The following MTARC1 variants were observed in gnomAD, a reference collection of about 807,000 sequenced individuals.
The protein encoded by MTARC1 is mitochondrial amidoxime reducing component 1.
Under a neutral mutation model 33.6 loss-of-function variants are expected in MTARC1, and 24 were observed. The ratio of observed to expected loss-of-function variants is 0.72; its 90% CI spans 0.52 to 1.01. The LOEUF (loss-of-function observed/expected upper bound fraction) is 1.01, where lower values mean the gene tolerates loss of function less well. MTARC1 is among the 50% of genes least tolerant of loss of function. MTARC1 has a pLI of 0.00. For synonymous variants in MTARC1, 187 were observed against 189.5 expected (o/e 0.99, Z 0.11); for missense variants, 417 against 445.7 (o/e 0.94, Z 0.58).
At chr1:220,787,284 G>C (rs1420044196) in intron 1 of MTARC1, 65 bp downstream of exon 1, 1 of 1,472,282 alleles carries the variant, frequency 6.8e-7, no homozygotes, top group Non-Finnish European at 9.0e-7. Flanking sequence ...GAGAAGGGAG[G>C]AGCGCAGGGG....
At chr1:220,805,343 A>G in intron 6 of MTARC1, 69 bp downstream of exon 6, 2 of 1,527,638 alleles carry the variant, frequency 1.3e-6, no homozygotes, top group Non-Finnish European at 9.1e-7. Context: ...TTTGTTGCTT[A>G]ATGTTTATAA....
intron 4 of MTARC1, chr1:220,798,667 C>T: frequency 1.2e-6 from 1 of 861,326 alleles, no homozygotes; most frequent in Non-Finnish European, 1.4e-6. Flanking sequence ...AGGTTGGTGG[C>T]CTAGAGGCAT....
Position 220,798,021 on chromosome 1 carries a change from C to T in MTARC1, c.753+7C>T. The T allele has an allele frequency of 6.2e-7, 1 of 1,614,220 alleles. No individual in the cohort carries two copies. Among genetic ancestry groups the T allele is most frequent in the Non-Finnish European group, 8.5e-7 (1 of 1,180,032 alleles). On this transcript the variant is annotated splice_region_variant and intron_variant, in intron 4 of 6. Coordinates refer to ENST00000366910, the MANE Select transcript of MTARC1 (RefSeq NM_022746.4). ...ATGCGATGTCTATGCAGAGGTAACA[C>T]TATGCCCCTTTGGATCTTTCCTTGG... is the stretch of plus-strand genomic sequence containing the variant.
chr1:220,813,341 C>T lies in MTARC1; in HGVS notation c.937C>T (p.Leu313Phe). ...SERKLYGKSP[L>F]FGQYFVLENP... is the part of the protein sequence containing the mutation. ...ACGAAAGTTATATGGAAAATCACCA[C>T]TCTTTGGGCAGTATTTTGTGCTGGA... Residue 313 changes from leucine to phenylalanine, a missense_variant, in exon 7 of 7, where the codon CTC becomes TTC. By Grantham distance (22) the Leu-to-Phe change is conservative. Transcript: ENST00000366910. 6.2e-7 allele frequency: 1 copy of T among 1,614,156 alleles called. No individual in the cohort carries two copies. The highest frequency in any genetic ancestry group is 2.2e-5 in the East Asian group (1 of 44,866).
Position 220,814,439 on chromosome 1 carries a change from T to C in MTARC1, c.*1021T>C, listed in dbSNP as rs1673233295. The C allele has an allele frequency of 6.6e-6, 1 of 152,216 alleles. No homozygotes were observed. The highest frequency in any genetic ancestry group is 2.4e-5 in the African/African-American group (1 of 41,462). The allele number at this position is 152,216 out of a possible 1,614,324, so 9.4% of individuals were successfully genotyped here. On this transcript the variant is annotated 3_prime_UTR_variant, in exon 7 of 7. Transcript: ENST00000366910. Reference sequence around the variant, plus strand: ...TGGCACAAAGTTAGACTGTGAAAGCTGACTGAGGCTGGGCACAGGGGCTCA... The same window carrying C: ...TGGCACAAAGTTAGACTGTGAAAGCCGACTGAGGCTGGGCACAGGGGCTCA...
chr1:220,790,816 A>G (rs2102584901), intron 1 of MTARC1: 1 of 152,322 alleles, frequency 6.6e-6, no homozygotes, highest in Admixed American at 6.5e-5. Context: ...TGTTCTGGAA[A>G]TGGCTCTTTC....
chr1:220,801,687 T>G (rs913548906), intron 4 of MTARC1, among the ~76,000 whole-genome samples: 1 of 152,060 alleles, frequency 6.6e-6, no homozygotes, highest in Admixed American at 6.5e-5. Context: ...GAAGAATTTT[T>G]GGCCAGGGAG....
At chr1:220,804,628 T>C (rs1337339748) in intron 4 of MTARC1, among the ~76,000 whole-genome samples, 1 of 152,098 alleles carries the variant, frequency 6.6e-6, no homozygotes, top group Non-Finnish European at 1.5e-5. Context: ...AGGCTCTTGA[T>C]CCATATAACT....
In MTARC1 at chr1:220,797,928, G is replaced by T. The variant is rs759381616; in HGVS notation, c.667G>T (p.Asp223Tyr). The T allele has an allele frequency of 1.5e-5, 25 of 1,614,096 alleles. No homozygotes were observed. In the South Asian group the frequency reaches 2.4e-4, roughly 16 times the overall value. ...GATCCTTTCTGAGGCGTCGCTGGCG[G>T]ATCTCAACTCCAGGCTAGAGAAGAA... ...FLILSEASLADLNSRLEKKVK... is the reference protein window; with the variant it reads ...FLILSEASLAYLNSRLEKKVK... Residue 223 changes from aspartate (D) to tyrosine (Y), a missense_variant, in exon 4 of 7, where the codon GAT becomes TAT. By Grantham distance (160) the Asp-to-Tyr change is radical. Transcript: ENST00000366910.
intron 1 of MTARC1, among the ~76,000 whole-genome samples, chr1:220,790,747 T>G (rs1672395525): frequency 6.6e-6 from 1 of 152,236 alleles, no homozygotes; most frequent in Non-Finnish European, 1.5e-5. Flanking sequence ...AGGATTGAAA[T>G]GCCAATATGT....
At chr1:220,798,547 T>C (rs1158937623) in intron 4 of MTARC1, 1 of 985,366 alleles carries the variant, frequency 1.0e-6, no homozygotes, top group Non-Finnish European at 1.2e-6. Context: ...TGAACAGCCC[T>C]GAGGCTTGGT....
intron 4 of MTARC1, among the ~76,000 whole-genome samples, chr1:220,800,970 G>A (rs143891556): frequency 6.6e-6 from 1 of 151,928 alleles, no homozygotes; most frequent in Non-Finnish European, 1.5e-5. Flanking sequence ...TGGCCTCCTT[G>A]CCCCACCCTT....
At chr1:220,787,814 A>C (rs1179475640) in intron 1 of MTARC1, among the ~76,000 whole-genome samples, 1 of 152,048 alleles carries the variant, frequency 6.6e-6, no homozygotes, top group African/African-American at 2.4e-5. Flanking sequence ...ACATGGTGAA[A>C]CCGCGTCTCT....
At position 220,814,921 on chromosome 1, in the gene MTARC1, A is replaced by AT. The variant is rs1222975062; in HGVS notation, c.*1508dup. The AT allele has an allele frequency of 6.6e-6, 1 of 152,196 alleles. No homozygotes were observed. Among genetic ancestry groups the AT allele is most frequent in the Non-Finnish European group, 1.5e-5 (1 of 68,034 alleles). The allele number at this position is 152,196 out of a possible 1,614,324, so 9.4% of individuals were successfully genotyped here. ...ACATGCTTTTTACCAAAAGCTGCAC[A>AT]TTTTTCACTTTGATTTTATAAAAGA... is the stretch of plus-strand genomic sequence containing the variant. On this transcript the variant is annotated 3_prime_UTR_variant, in exon 7 of 7. Coordinates refer to ENST00000366910, the MANE Select transcript of MTARC1 (RefSeq NM_022746.4).
In MTARC1 at chr1:220,805,530, A is replaced by G. The variant is rs964402095; in HGVS notation, c.887+256A>G. On this transcript the variant is annotated intron_variant, in intron 6 of 6. Coordinates refer to ENST00000366910, the MANE Select transcript of MTARC1 (RefSeq NM_022746.4). ...ATAAATCAATGTTTAAAAATTGCTT[A>G]TGCATTTTGACAAATTTTATTACGG... Among the ~76,000 whole-genome samples the G allele has an allele frequency of 5.1e-4, 78 of 152,242 alleles. 1 individual carries two copies. Among genetic ancestry groups the G allele is most frequent in the Admixed American group, 1.4e-3 (22 of 15,292 alleles).
At position 220,787,157 on chromosome 1, in the gene MTARC1, G is replaced by A. The variant is rs781479265; in HGVS notation, c.213G>A (p.Gly71=). The A allele has an allele frequency of 3.2e-6, 5 of 1,578,176 alleles. No homozygotes were observed. In the Admixed American group the frequency reaches 5.4e-5, roughly 17 times the overall value. The part of the protein sequence containing the change: ...LWIYPVKSCK[G]VPVSEAECTA... ...TCTACCCTGTGAAATCCTGCAAGGGGGTGCCGGTGAGCGAGGCGGAGTGCA... is the reference window on the plus strand; with the variant it reads ...TCTACCCTGTGAAATCCTGCAAGGGAGTGCCGGTGAGCGAGGCGGAGTGCA... Residue 71 remains glycine, a synonymous_variant, in exon 1 of 7, where the codon GGG becomes GGA. Transcript: ENST00000366910.
At chr1:220,812,977 C>T (rs1228017652) in intron 6 of MTARC1, among the ~76,000 whole-genome samples, 7 of 152,128 alleles carry the variant, frequency 4.6e-5, no homozygotes, top group African/African-American at 7.2e-5. Context: ...CTGCCAGCCT[C>T]GGCCTCCCAA....
At position 220,813,196 on chromosome 1, in the gene MTARC1, G is replaced by C. The variant is rs74616483; in HGVS notation, c.888-96G>C. On this transcript the variant is annotated intron_variant, in intron 6 of 6. Coordinates refer to ENST00000366910, the MANE Select transcript of MTARC1 (RefSeq NM_022746.4). ...TGACGGGATGGTGCCCTCTCGAGCT[G>C]TGCGTGCGGAGGCCCTGTGTGGGAT... The C allele has an allele frequency of 5.8e-5, 89 of 1,538,774 alleles. No individual in the cohort carries two copies. The East Asian group carries it at 2.0e-3, about 34-fold the overall frequency.
intron 2 of MTARC1, among the ~76,000 whole-genome samples, chr1:220,796,038 A>G (rs527494240): frequency 1.3e-5 from 2 of 152,170 alleles, no homozygotes; most frequent in African/African-American, 2.4e-5. Flanking sequence ...GCACAGGACT[A>G]TGTGCTGGGG....
Sources: gnomAD v4.1 joint callset for allele counts (sites outside exome capture counted in the v4.1 genomes callset) on GRCh38, gnomAD v4.1.1 for gene constraint, MANE v1.5 for transcripts, NCBI Gene and HGNC (gene_info 2026-07-23, HGNC 2026-07-21) for gene names.